MED15: variants seen among roughly 807,000 people sequenced by gnomAD.
MED15 encodes the protein mediator of RNA polymerase II transcription subunit 15.
In MED15, 41 loss-of-function variants were observed where a neutral mutation model predicts 118.7. That is an observed-to-expected ratio of 0.35 (90% confidence interval 0.27 to 0.45). MED15 has a LOEUF of 0.45. Ranked by LOEUF, MED15 falls within the 20% of genes least tolerant of loss-of-function variation. The pLI is 1.00. For synonymous variants in MED15, 436 were observed against 413.9 expected, an observed-to-expected ratio of 1.05 and a Z score of -0.65; for missense variants, 740 against 1,025.5, an observed-to-expected ratio of 0.72 and a Z score of 3.80.
At position 20,566,487 on chromosome 22, in the gene MED15, G is replaced by T; in HGVS notation, c.711G>T (p.Gln237His). 6.2e-7 allele frequency: 1 copy of T among 1,610,794 alleles called. No individual in the cohort carries two copies. Residue 237 changes from glutamine to histidine, a missense_variant, in exon 7 of 18, where the codon CAG becomes CAT. Physicochemically the swap from Gln to His is conservative, Grantham distance 24 (BLOSUM62 0). Transcript: ENST00000263205. ...TCTAGATACAGCAGCAGCAACAGCAGCTGCAGCGAATAGCACAGCTGCAGC... is the reference window on the plus strand; with the variant it reads ...TCTAGATACAGCAGCAGCAACAGCATCTGCAGCGAATAGCACAGCTGCAGC... ...NQQQIQQQQQ[Q>H]LQRIAQLQLQ...
intron 1 of MED15, chr22:20,523,780 G>C: frequency 1.0e-6 from 1 of 985,438 alleles, no homozygotes; most frequent in Non-Finnish European, 1.2e-6. Flanking sequence ...TGGAGTATGT[G>C]AAGGAAGCTC....
intron 9 of MED15, among the ~76,000 whole-genome samples, chr22:20,575,627 C>A (rs165684): frequency 6.6e-6 from 1 of 151,762 alleles, no homozygotes; most frequent in Middle Eastern, 3.4e-3. Flanking sequence ...ATCTCAACAC[C>A]TCAGGAGGCC....
At chr22:20,573,037 C>T (rs1430692974) in intron 8 of MED15, among the ~76,000 whole-genome samples, 1 of 151,098 alleles carries the variant, frequency 6.6e-6, no homozygotes, top group Non-Finnish European at 1.5e-5. Flanking sequence ...GGTACAGTCT[C>T]AGCTCACTGC....
chr22:20,582,499 G>A (rs1175683705), intron 9 of MED15, 112 bp from the exon 10 acceptor site: 3 of 1,483,844 alleles, frequency 2.0e-6, no homozygotes, highest in Non-Finnish European at 2.7e-6. Context: ...GAAGACACAG[G>A]TGTGTGGTGA....
At chr22:20,535,785 G>C (rs369416562) in intron 1 of MED15, among the ~76,000 whole-genome samples, 1 of 151,288 alleles carries the variant, frequency 6.6e-6, no homozygotes, top group African/African-American at 2.4e-5. Flanking sequence ...GGTCGTGCTC[G>C]CCTGACCTCG....
rs769335608 is a variant in MED15, at chr22:20,582,823, C to G, written c.1410-17C>G. On this transcript the variant is annotated splice_polypyrimidine_tract_variant and intron_variant, in intron 10 of 17. Coordinates refer to ENST00000263205, the MANE Select transcript of MED15 (RefSeq NM_001003891.3). The stretch of plus-strand genomic sequence containing the variant: ...TGCCTGGACCCCGGCTCACATGTTT[C>G]TCTCACTTGGCTGCAGCTCTGGCCC... 1 of 1,609,118 alleles carries G rather than the reference C, an allele frequency of 6.2e-7. No individual in the cohort carries two copies. Among genetic ancestry groups the G allele is most frequent in the South Asian group, 1.1e-5 (1 of 90,866 alleles).
At chr22:20,514,609 A>AG (rs1353634400) in intron 1 of MED15, among the ~76,000 whole-genome samples, 3 of 152,182 alleles carry the variant, frequency 2.0e-5, no homozygotes, top group Admixed American at 2.0e-4. Context: ...GAAGGGGCTT[A>AG]GGGGGAGCAT....
rs374794651 is a variant in MED15, at chr22:20,564,628, C to CCAG, written c.654_656dup (p.Gln218dup). 8,486 of 1,606,648 alleles carry CCAG rather than the reference C, an allele frequency of 5.3e-3. 28 individuals are homozygous for CCAG. Among genetic ancestry groups the CCAG allele is most frequent in the Admixed American group, 6.3e-3 (374 of 59,694 alleles). On this transcript the variant is annotated inframe_insertion, in exon 6 of 18. Coordinates refer to ENST00000263205, the MANE Select transcript of MED15 (RefSeq NM_001003891.3). ...CAGTAGTGCAGCAGCAGCAGCAGCT[C>CCAG]CAGCAGCAGCAGCAGCAGCAGCAGC... is the stretch of plus-strand genomic sequence containing the variant.
At chr22:20,518,381 A>G (rs1001297357) in intron 1 of MED15, among the ~76,000 whole-genome samples, 1 of 151,834 alleles carries the variant, frequency 6.6e-6, no homozygotes, top group South Asian at 2.1e-4. Flanking sequence ...ACCTTTCTTC[A>G]TGTTGGCACG....
chr22:20,572,971 T>TC (rs201536417), intron 8 of MED15, among the ~76,000 whole-genome samples: 2,517 of 151,410 alleles, frequency 0.017, 34 homozygotes, highest in Middle Eastern at 0.058. Context: ...ATTTTCTTTT[T>TC]TTTTTTTTTT....
intron 1 of MED15, among the ~76,000 whole-genome samples, chr22:20,520,583 A>G: frequency 6.6e-6 from 1 of 152,212 alleles, no homozygotes; most frequent in Non-Finnish European, 1.5e-5. Context: ...TATAATCCCT[A>G]TCACAGTGAA....
At chr22:20,553,092 T>C in intron 3 of MED15, 53 bp from the exon 4 acceptor site, 1 of 1,539,708 alleles carries the variant, frequency 6.5e-7, no homozygotes. Context: ...TGGAAATATG[T>C]GGTTATATAA....
At chr22:20,563,013 G>T (rs972185910) in intron 5 of MED15, among the ~76,000 whole-genome samples, 1 of 151,402 alleles carries the variant, frequency 6.6e-6, no homozygotes, top group South Asian at 2.1e-4. Context: ...TCCAGACTGG[G>T]CAACAGAGTG....
In MED15 at chr22:20,554,967, C is replaced by T. The variant is rs767030778; in HGVS notation, c.270C>T (p.Gly90=). Residue 90 remains glycine, a synonymous_variant, in exon 5 of 18, where the codon GGC becomes GGT. Transcript: ENST00000263205. ...DPMNALQSLT[G]GPAAGAAGIG... The stretch of plus-strand genomic sequence containing the variant: ...TGAATGCACTCCAGAGCCTGACTGG[C>T]GGACCTGCTGCGGGAGCCGCTGGAA... 32 of 1,609,540 alleles carry T rather than the reference C, an allele frequency of 2.0e-5. No individual in the cohort carries two copies. The South Asian group carries it at 2.6e-4, about 13-fold the overall frequency.
chr22:20,552,017 G>C (rs2055795795), intron 3 of MED15, among the ~76,000 whole-genome samples: 1 of 152,200 alleles, frequency 6.6e-6, no homozygotes, highest in Non-Finnish European at 1.5e-5. Flanking sequence ...GGTTCTGTCA[G>C]CCAGGCAGTG....
At chr22:20,525,765 A>T (rs1361375481) in intron 1 of MED15, among the ~76,000 whole-genome samples, 1 of 151,228 alleles carries the variant, frequency 6.6e-6, no homozygotes, top group Non-Finnish European at 1.5e-5. Context: ...CAAACTCCCC[A>T]CCTCAGGTGA....
At chr22:20,521,251 C>T (rs2054443461) in intron 1 of MED15, among the ~76,000 whole-genome samples, 2 of 151,398 alleles carry the variant, frequency 1.3e-5, no homozygotes, top group Non-Finnish European at 2.9e-5. Flanking sequence ...CACGTACCAC[C>T]ATGCCTAGCT....
At position 20,554,712 on chromosome 22, in the gene MED15, C is replaced by T; in HGVS notation, c.239-224C>T. 6 of 445,796 alleles carry T rather than the reference C, an allele frequency of 1.3e-5. No individual in the cohort carries two copies. In the South Asian group the frequency reaches 3.1e-4, roughly 23 times the overall value. 27.6% of individuals were successfully genotyped at this position (445,796 alleles called of 1,614,324 possible). ...TGTCCCTTAACATTAGGACTCTGGT[C>T]CAGGCCAGGCTAGAGGTATGGGTCA... On this transcript the variant is annotated intron_variant, in intron 4 of 17. Coordinates refer to ENST00000263205, the MANE Select transcript of MED15 (RefSeq NM_001003891.3).
At chr22:20,534,090 AACTGGTTGTC>A (rs2054962957) in intron 1 of MED15, among the ~76,000 whole-genome samples, 1 of 152,166 alleles carries the variant, frequency 6.6e-6, no homozygotes, top group South Asian at 2.1e-4. Context: ...CCATCTGTGT[AACTGGTTGTC>A]ACTCCCCAGA....
Sources: gnomAD v4.1 joint callset for allele counts (sites outside exome capture counted in the v4.1 genomes callset) on GRCh38, gnomAD v4.1.1 for gene constraint, MANE v1.5 for transcripts, NCBI Gene and HGNC (gene_info 2026-07-23, HGNC 2026-07-21) for gene names.